The following TCF4 variants were observed in gnomAD, a reference collection of about 807,000 sequenced individuals.
TCF4 encodes the protein transcription factor 4, also known as SL3-3 enhancer factor 2.
TCF4 carries 3 observed loss-of-function variants against 82.1 expected under a neutral mutation model. The observed-to-expected ratio is 0.04, with a 90% CI of 0.02 to 0.09. The LOEUF (loss-of-function observed/expected upper bound fraction) is 0.09. TCF4 is among the 10% of genes least tolerant of loss of function. The probability of loss-of-function intolerance (pLI) is 1.00; values close to 1 mark genes in which losing one functional copy is unlikely to be tolerated. For synonymous variants in TCF4, 276 were observed against 309.6 expected, an observed-to-expected ratio of 0.89 and a Z score of 1.14; for missense variants, 518 against 852.7, an observed-to-expected ratio of 0.61 and a Z score of 4.89.
intron 8 of TCF4, among the ~76,000 whole-genome samples, chr18:55,290,592 T>G (rs554084600): frequency 3.5e-4 from 54 of 152,260 alleles, no homozygotes; most frequent in Non-Finnish European, 2.4e-4. Context: ...GCTAACTACA[T>G]TATAGTTTGA....
rs1343175081 is a variant in TCF4 at position 55,635,718 on chromosome 18, GGA to G, written c.178_179del (p.Ser60GlnfsTer10). The stretch of plus-strand genomic sequence containing the variant: ...TGGTTCCTACCTCCAAGGGCCTCCT[GGA>G]GAAGCTCGAGTAGCAGTTCTCAACC... On this transcript the variant is annotated frameshift_variant, in exon 1 of 21. Coordinates refer to the TCF4 transcript ENST00000398339. LOFTEE classifies it high-confidence loss of function. 1.9e-6 allele frequency: 3 copies of G among 1,549,974 alleles called. No homozygotes were observed. The South Asian group carries it at 3.6e-5, about 18-fold the overall frequency.
At chr18:55,323,428 A>C (rs1017723593) in intron 8 of TCF4, among the ~76,000 whole-genome samples, 1 of 152,150 alleles carries the variant, frequency 6.6e-6, no homozygotes. Context: ...AGCCCGGGCT[A>C]ATGGTGGAAA....
chr18:55,497,390 G>A (rs2096649058), intron 3 of TCF4, among the ~76,000 whole-genome samples: 1 of 152,056 alleles, frequency 6.6e-6, no homozygotes, highest in Admixed American at 6.5e-5. Flanking sequence ...AATAATATAT[G>A]CACATACATT....
chr18:55,593,313 T>C (rs1033522403), upstream of TCF4, among the ~76,000 whole-genome samples: 2 of 152,070 alleles, frequency 1.3e-5, no homozygotes, highest in African/African-American at 4.8e-5. Context: ...CTGGTTAAAA[T>C]CAAATGAGAT....
chr18:55,569,174 T>C (rs989982506), intron 3 of TCF4, among the ~76,000 whole-genome samples: 5 of 150,482 alleles, frequency 3.3e-5, no homozygotes, highest in Non-Finnish European at 1.5e-5. Context: ...CATTCCTATT[T>C]AACAGTGTAC....
chr18:55,579,967 T>C (rs1010401078), intron 3 of TCF4, among the ~76,000 whole-genome samples: 1 of 152,064 alleles, frequency 6.6e-6, no homozygotes, highest in Non-Finnish European at 1.5e-5. Context: ...TAAACTTTCA[T>C]TACATAGTTC....
At chr18:55,307,179 A>G (rs1182672871) in intron 8 of TCF4, among the ~76,000 whole-genome samples, 1 of 152,222 alleles carries the variant, frequency 6.6e-6, no homozygotes, top group Non-Finnish European at 1.5e-5. Context: ...AACAAACTCC[A>G]TTTCAGGATT....
In TCF4 at chr18:55,506,755, TAA is replaced by T. The variant is rs746983444; in HGVS notation, c.146-42620_146-42619del. Among the ~76,000 whole-genome samples, 23 of 152,324 alleles carry T rather than the reference TAA, an allele frequency of 1.5e-4. No individual in the cohort carries two copies. The South Asian group carries it at 4.8e-3, about 32-fold the overall frequency. ...TTTTCCTATGCATATATACCTATGA[TAA>T]AGTTAGTTCATAAATCAGGCACAGT... On this transcript the variant is annotated intron_variant, in intron 3 of 19. Transcript: ENST00000354452.
chr18:55,454,494 C>T (rs2095695830), intron 5 of TCF4, among the ~76,000 whole-genome samples: 1 of 152,176 alleles, frequency 6.6e-6, no homozygotes, highest in African/African-American at 2.4e-5. Flanking sequence ...CTGATCTATG[C>T]ACAGAACTTT....
At chr18:55,369,020 C>G (rs2088112451) in intron 6 of TCF4, among the ~76,000 whole-genome samples, 1 of 152,136 alleles carries the variant, frequency 6.6e-6, no homozygotes, top group African/African-American at 2.4e-5. Flanking sequence ...GCTGTCAAGG[C>G]TTTGCCTTAA....
chr18:55,536,282 T>C (rs2097113780), intron 3 of TCF4, among the ~76,000 whole-genome samples: 1 of 152,198 alleles, frequency 6.6e-6, no homozygotes, highest in African/African-American at 2.4e-5. Context: ...ACAATTACTC[T>C]TGAAAGTTCT....
At chr18:55,436,183 T>C (rs914360252) in intron 5 of TCF4, among the ~76,000 whole-genome samples, 2 of 152,212 alleles carry the variant, frequency 1.3e-5, no homozygotes, top group Non-Finnish European at 2.9e-5. Flanking sequence ...TCTTGAACCA[T>C]TAATAGTGAG....
intron 15 of TCF4, among the ~76,000 whole-genome samples, chr18:55,237,627 G>C (rs1599679334): frequency 1.3e-5 from 2 of 151,858 alleles, no homozygotes; most frequent in Admixed American, 1.3e-4. Flanking sequence ...CCACCACCAC[G>C]CCGGCTAATT....
intron 5 of TCF4, among the ~76,000 whole-genome samples, chr18:55,457,452 C>T (rs569407229): frequency 1.3e-5 from 2 of 152,166 alleles, no homozygotes; most frequent in African/African-American, 2.4e-5. Context: ...TCCACACACA[C>T]AAGATTATTT....
chr18:55,528,124 A>G (rs148942704), intron 3 of TCF4, among the ~76,000 whole-genome samples: 1 of 152,350 alleles, frequency 6.6e-6, no homozygotes, highest in Non-Finnish European at 1.5e-5. Flanking sequence ...AAAATCTGTC[A>G]TAGAAGACTG....
At chr18:55,396,557 G>C (rs937531649) in intron 6 of TCF4, among the ~76,000 whole-genome samples, 6 of 152,142 alleles carry the variant, frequency 3.9e-5, no homozygotes, top group African/African-American at 7.2e-5. Flanking sequence ...AACCTTGTGA[G>C]ATGTTTACTA....
chr18:55,276,386 C>G (rs2061502523), intron 9 of TCF4, among the ~76,000 whole-genome samples: 1 of 152,110 alleles, frequency 6.6e-6, no homozygotes, highest in African/African-American at 2.4e-5. Flanking sequence ...CCAAAGGGTA[C>G]AAACATGCCC....
chr18:55,460,993 G>GT, intron 5 of TCF4, 26 bp downstream of exon 5: 1 of 1,596,542 alleles, frequency 6.3e-7, no homozygotes, highest in Middle Eastern at 1.7e-4. Context: ...TTCAAAAAGT[G>GT]TAAGTTAATT....
At chr18:55,507,876 C>G (rs2096780562) in intron 3 of TCF4, among the ~76,000 whole-genome samples, 1 of 152,126 alleles carries the variant, frequency 6.6e-6, no homozygotes, top group South Asian at 2.1e-4. Flanking sequence ...CCTAAAAATT[C>G]TCTAGGCTGA....
Sources: allele counts gnomAD v4.1 joint callset (sites outside exome capture counted in the v4.1 genomes callset), GRCh38; gene constraint gnomAD v4.1.1; transcripts MANE v1.5; gene names NCBI Gene and HGNC (gene_info 2026-07-23, HGNC 2026-07-21).